Variants in PIBF1 observed in about 807,000 individuals in gnomAD.
PIBF1 encodes progesterone-induced-blocking factor 1.
Under a neutral mutation model 112.5 loss-of-function variants are expected in PIBF1, and 90 were observed. The ratio of observed to expected loss-of-function variants is 0.80; its 90% confidence interval spans 0.67 to 0.95. The LOEUF (loss-of-function observed/expected upper bound fraction) is 0.95. Among genes scored for constraint, PIBF1 ranks in the 40% least tolerant of loss-of-function variants. The pLI is 0.00. For missense variants in PIBF1, 915 were observed against 852.3 expected (o/e 1.07, Z -0.92); for synonymous variants, 301 against 288.6 (o/e 1.04, Z -0.44).
At chr13:72,924,891 G>A (rs2041428553) in intron 13 of PIBF1, among the ~76,000 whole-genome samples, 1 of 152,172 alleles carries the variant, frequency 6.6e-6, no homozygotes, top group Non-Finnish European at 1.5e-5. Context: ...GTTAGGCTAT[G>A]TCAGTCAGAG....
chr13:72,916,538 A>T (rs1393567224), intron 12 of PIBF1, among the ~76,000 whole-genome samples: 1 of 151,852 alleles, frequency 6.6e-6, no homozygotes, highest in Non-Finnish European at 1.5e-5. Context: ...TTTAAAAGTA[A>T]ATTATTTTCA....
intron 14 of PIBF1, among the ~76,000 whole-genome samples, chr13:72,944,341 G>A (rs1024162948): frequency 6.6e-6 from 1 of 151,832 alleles, no homozygotes; most frequent in East Asian, 1.9e-4. Context: ...CAGCTACTTG[G>A]GAGACTGAGG....
At chr13:72,844,789 A>ACACGCACACG (rs1555296219) in intron 9 of PIBF1, among the ~76,000 whole-genome samples, 7 of 119,564 alleles carry the variant, frequency 5.9e-5, no homozygotes, top group African/African-American at 2.7e-4. Context: ...ACACACACAC[A>ACACGCACACG]CACACACACA....
intron 10 of PIBF1, among the ~76,000 whole-genome samples, chr13:72,885,740 C>T (rs556411714): frequency 3.9e-5 from 6 of 152,228 alleles, no homozygotes; most frequent in Middle Eastern, 3.4e-3. Context: ...CAGGCAGAAC[C>T]GTGGCATCTA....
chr13:72,902,361 C>T lies in PIBF1; in HGVS notation c.1489-6170C>T, dbSNP rs375978878. Among the ~76,000 whole-genome samples, 15 of 151,726 alleles carry T rather than the reference C, an allele frequency of 9.9e-5. No homozygotes were observed. In the East Asian group the frequency reaches 1.7e-3, roughly 18 times the overall value. ...ACTTAACTTGTGTAACCAAATACCA[C>T]CTGTACCCCAATAACTTACGGAAAA... On this transcript the variant is annotated intron_variant, in intron 11 of 17. Coordinates refer to ENST00000326291, the MANE Select transcript of PIBF1 (RefSeq NM_006346.4).
In PIBF1 at chr13:72,965,381, T is replaced by G; in HGVS notation, c.1941T>G (p.Ile647Met). The change falls in exon 15 of 18, where the codon ATT (isoleucine) becomes ATG (methionine). Residue 647 changes from isoleucine to methionine, a missense_variant. By Grantham distance (10) the Ile-to-Met change is conservative. Coordinates refer to ENST00000326291, the MANE Select transcript of PIBF1 (RefSeq NM_006346.4). ...DSKIDSLTESIAQLEKDVSNL... is the reference protein window; with the variant it reads ...DSKIDSLTESMAQLEKDVSNL... ...AGATTGATTCACTGACGGAATCTAT[T>G]GCACAACTTGAGAAAGATGTCAGGT... The G allele has an allele frequency of 1.9e-6, 3 of 1,609,852 alleles. No homozygotes were observed. Among genetic ancestry groups the G allele is most frequent in the Non-Finnish European group, 2.5e-6 (3 of 1,178,058 alleles).
At chr13:72,790,208 A>G (rs1730287893) in intron 2 of PIBF1, among the ~76,000 whole-genome samples, 1 of 152,164 alleles carries the variant, frequency 6.6e-6, no homozygotes, top group Admixed American at 6.6e-5. Flanking sequence ...TGTATTCAAA[A>G]TGGCACTAAA....
chr13:72,956,636 G>A (rs541528898), intron 14 of PIBF1, among the ~76,000 whole-genome samples: 13 of 152,102 alleles, frequency 8.5e-5, no homozygotes, highest in Admixed American at 2.0e-4. Context: ...CCTGGCTCTC[G>A]TCCTGTAACT....
intron 10 of PIBF1, among the ~76,000 whole-genome samples, chr13:72,875,655 CATT>C (rs970987187): frequency 1.6e-4 from 25 of 152,288 alleles, no homozygotes; most frequent in African/African-American, 4.3e-4. Flanking sequence ...AGTGGTATCT[CATT>C]GTTGTTTTAA....
chr13:72,848,831 CAAA>C (rs1250173775), intron 9 of PIBF1, among the ~76,000 whole-genome samples: 4 of 93,788 alleles, frequency 4.3e-5, no homozygotes, highest in Non-Finnish European at 4.4e-5. Flanking sequence ...GACTCCGTCT[CAAA>C]AAAAAAAAAA....
In PIBF1 at chr13:72,827,137, T is replaced by G; in HGVS notation, c.915+19T>G. ...AAAAGAGGTAAGCTTATAATTAGAG[T>G]CACTTATATTATATAGCATAGTATT... On this transcript the variant is annotated intron_variant, in intron 7 of 17. Coordinates refer to ENST00000326291, the MANE Select transcript of PIBF1 (RefSeq NM_006346.4). The G allele has an allele frequency of 7.7e-7, 1 of 1,307,052 alleles. No homozygotes were observed. Among genetic ancestry groups the G allele is most frequent in the Non-Finnish European group, 1.1e-6 (1 of 923,778 alleles). 81.0% of individuals were successfully genotyped at this position (1,307,052 alleles called of 1,614,324 possible).
chr13:72,807,829 A>G (rs931635932), intron 5 of PIBF1, among the ~76,000 whole-genome samples: 3 of 152,230 alleles, frequency 2.0e-5, no homozygotes, highest in Non-Finnish European at 4.4e-5. Context: ...CCATTTTATT[A>G]TAGAAATTTT....
Position 73,009,221 on chromosome 13 carries a change from A to G in PIBF1, c.2224-6648A>G, listed in dbSNP as rs541352175. On this transcript the variant is annotated intron_variant, in intron 17 of 17. Transcript: ENST00000326291. The stretch of plus-strand genomic sequence containing the variant: ...AAGTCCTACCCAACATCTTCAGCTT[A>G]TATCCCATTGGCCAGAACTTAGTCG... 6.6e-5 allele frequency among the ~76,000 whole-genome samples: 10 copies of G among 152,346 alleles called. No individual in the cohort carries two copies. In the South Asian group the frequency reaches 1.4e-3, roughly 22 times the overall value.
intron 5 of PIBF1, among the ~76,000 whole-genome samples, chr13:72,804,196 A>C (rs1340246239): frequency 3.3e-5 from 5 of 152,160 alleles, no homozygotes; most frequent in African/African-American, 1.2e-4. Flanking sequence ...TCTTAACTAT[A>C]GTGGGAGAAA....
At chr13:72,815,717 G>A (rs914239427) in intron 5 of PIBF1, among the ~76,000 whole-genome samples, 2 of 152,112 alleles carry the variant, frequency 1.3e-5, no homozygotes, top group African/African-American at 4.8e-5. Flanking sequence ...TCAGGCTGGA[G>A]TGCAGTGGCA....
At position 73,015,985 on chromosome 13, in the gene PIBF1, A is replaced by G. The variant is rs2044371741; in HGVS notation, c.*66A>G. 4.4e-6 allele frequency: 4 copies of G among 911,078 alleles called. No individual in the cohort carries two copies. The highest frequency in any genetic ancestry group is 5.4e-5 in the Admixed American group (2 of 36,716). 56.4% of individuals were successfully genotyped at this position (911,078 alleles called of 1,614,324 possible). On this transcript the variant is annotated 3_prime_UTR_variant, in exon 18 of 18. Coordinates refer to ENST00000326291, the MANE Select transcript of PIBF1 (RefSeq NM_006346.4). ...TGAAGTTCTTTTTCTGATGGAAAAC[A>G]AAATTCAGCTTAATCGTGTACTCAG...
At chr13:72,921,988 A>G (rs868135641) in intron 13 of PIBF1, among the ~76,000 whole-genome samples, 32 of 152,166 alleles carry the variant, frequency 2.1e-4, no homozygotes, top group African/African-American at 7.5e-4. Context: ...TTTCTTTAGT[A>G]TCAGTCCATT....
At chr13:72,932,666 A>G (rs923687278) in intron 14 of PIBF1, among the ~76,000 whole-genome samples, 1 of 152,210 alleles carries the variant, frequency 6.6e-6, no homozygotes, top group Non-Finnish European at 1.5e-5. Flanking sequence ...ACCAGTACTT[A>G]ATGTTTGCAC....
chr13:72,932,061 C>T (rs2041726905), intron 14 of PIBF1, among the ~76,000 whole-genome samples: 2 of 151,330 alleles, frequency 1.3e-5, no homozygotes, highest in South Asian at 4.2e-4. Flanking sequence ...CCCTCCTCAG[C>T]CTCCCAAGTA....
Sources: gnomAD v4.1 joint callset for allele counts (sites outside exome capture counted in the v4.1 genomes callset) on GRCh38, gnomAD v4.1.1 for gene constraint, MANE v1.5 for transcripts, NCBI Gene and HGNC (gene_info 2026-07-23, HGNC 2026-07-21) for gene names.